COL22A1: variants seen among roughly 807,000 people sequenced by gnomAD.
COL22A1 encodes collagen type XXII alpha 1 chain.
COL22A1 carries 221 observed loss-of-function variants against 248.9 expected under a neutral mutation model. The ratio of observed to expected loss-of-function variants is 0.89; its 90% CI spans 0.80 to 0.99. COL22A1 has a LOEUF of 0.99. COL22A1 is among the 50% of genes least tolerant of loss of function. The pLI, the probability that COL22A1 is intolerant of heterozygous loss-of-function variation, is 0.00. For missense variants in COL22A1, 2,240 were observed against 2,179.0 expected, an observed-to-expected ratio of 1.03 and a Z score of -0.56; for synonymous variants, 891 against 793.4, an observed-to-expected ratio of 1.12 and a Z score of -2.07.
At position 138,589,293 on chromosome 8, in the gene COL22A1, G is replaced by A. The variant is rs748648857; in HGVS notation, c.4841C>T (p.Ala1614Val). ...QCDPSQCAYF[A>V]SLAARPGNVK... ...ATTACCCGGCCGGGCAGCAAGGCTG[G>A]CGAAGTAGGCACACTGGGAAGGGTC... Residue 1614 changes from alanine (A) to valine (V), a missense_variant, in exon 65 of 65, where the codon GCC (alanine) becomes GTC (valine). Ala to Val is a moderately conservative substitution (Grantham distance 64, BLOSUM62 0). Transcript: ENST00000303045. 3.1e-6 allele frequency: 5 copies of A among 1,613,918 alleles called. No individual in the cohort carries two copies. In the Admixed American group the frequency reaches 5.0e-5, roughly 16 times the overall value.
At chr8:138,614,042 C>T in intron 55 of COL22A1, 122 bp from the exon 56 acceptor site, 1 of 757,924 alleles carries the variant, frequency 1.3e-6, no homozygotes, top group East Asian at 2.5e-5. Flanking sequence ...AATTGTCCAG[C>T]ATGTTTCATC....
chr8:138,660,039 C>T (rs977308116), intron 44 of COL22A1, among the ~76,000 whole-genome samples: 1 of 152,210 alleles, frequency 6.6e-6, no homozygotes. Context: ...AGGTTAAACC[C>T]CTGGAATGTC....
rs1268514456 is a variant in COL22A1 at position 138,826,772 on chromosome 8, G to A, written c.855C>T (p.Phe285=). 1 of 1,614,064 alleles carries A rather than the reference G, an allele frequency of 6.2e-7. No individual in the cohort carries two copies. Among genetic ancestry groups the A allele is most frequent in the South Asian group, 1.1e-5 (1 of 91,058 alleles). ...FPVVQSTEDV[F]PQGLPDEYAF... ...CGTACTCATCAGGTAAACCTTGGGGGAACACATCCCTGGAGAAAAATGGAG... is the reference window on the plus strand; with the variant it reads ...CGTACTCATCAGGTAAACCTTGGGGAAACACATCCCTGGAGAAAAATGGAG... The change falls in exon 6 of 65, where the codon TTC becomes TTT. Residue 285 remains phenylalanine, a synonymous_variant. Coordinates refer to ENST00000303045, the MANE Select transcript of COL22A1 (RefSeq NM_152888.3).
At chr8:138,660,542 C>A (rs1050770478) in intron 43 of COL22A1, 62 bp from the exon 44 acceptor site, 2 of 1,447,190 alleles carry the variant, frequency 1.4e-6, no homozygotes, top group South Asian at 1.1e-5. Context: ...CCCACTCTAC[C>A]CACACCCTCT....
intron 16 of COL22A1, among the ~76,000 whole-genome samples, chr8:138,765,128 A>C (rs1833807563): frequency 6.6e-6 from 1 of 152,162 alleles, no homozygotes; most frequent in Admixed American, 6.5e-5. Context: ...ACAAGAAATG[A>C]GGAAACTGAG....
chr8:138,807,632 T>C, intron 10 of COL22A1, 136 bp downstream of exon 10: 2 of 757,140 alleles, frequency 2.6e-6, no homozygotes, highest in Admixed American at 2.5e-5. Context: ...TTTGCTCTTA[T>C]CCATCTAATT....
chr8:138,860,756 T>C (rs1263794291), intron 3 of COL22A1, among the ~76,000 whole-genome samples: 2 of 152,066 alleles, frequency 1.3e-5, no homozygotes, highest in African/African-American at 4.8e-5. Context: ...TGCAGTAAGC[T>C]ATGATGGCAC....
chr8:138,883,062 A>C lies in COL22A1; in HGVS notation c.91+20T>G, dbSNP rs1304948588. Reference sequence around the variant, plus strand: ...TGCTCTGTCCCCAGCACAGCATGGCACAGCCCACGGTGGCCCCACCTGCCC... The same window carrying C: ...TGCTCTGTCCCCAGCACAGCATGGCCCAGCCCACGGTGGCCCCACCTGCCC... On this transcript the variant is annotated intron_variant, in intron 2 of 64. Transcript: ENST00000303045. 6 of 1,557,862 alleles carry C rather than the reference A, an allele frequency of 3.9e-6. No individual in the cohort carries two copies. Among genetic ancestry groups the C allele is most frequent in the Non-Finnish European group, 5.2e-6 (6 of 1,153,460 alleles).
intron 12 of COL22A1, among the ~76,000 whole-genome samples, chr8:138,793,151 G>T (rs1170136510): frequency 1.3e-5 from 2 of 152,276 alleles, no homozygotes; most frequent in South Asian, 2.1e-4. Context: ...GACTCATCGA[G>T]CTCTGGTCTA....
intron 22 of COL22A1, among the ~76,000 whole-genome samples, chr8:138,742,506 T>G (rs1373841006): frequency 6.6e-6 from 1 of 152,060 alleles, no homozygotes; most frequent in African/African-American, 2.4e-5. Flanking sequence ...ATGGTAGAGT[T>G]GATGATGATG....
intron 21 of COL22A1, among the ~76,000 whole-genome samples, chr8:138,753,593 C>A (rs532251907): frequency 1.3e-5 from 2 of 152,330 alleles, no homozygotes; most frequent in South Asian, 4.1e-4. Flanking sequence ...TCCAATTCAT[C>A]ATCTAGAAAT....
chr8:138,721,715 T>G (rs1388392694), intron 26 of COL22A1, among the ~76,000 whole-genome samples: 1 of 152,186 alleles, frequency 6.6e-6, no homozygotes, highest in Non-Finnish European at 1.5e-5. Context: ...CACCTTGGCC[T>G]CCCAAGTGAA....
At chr8:138,634,961 A>G (rs934541469) in intron 49 of COL22A1, 49 bp downstream of exon 49, 10 of 1,254,860 alleles carry the variant, frequency 8.0e-6, no homozygotes, top group Admixed American at 1.7e-5. Flanking sequence ...TGAGATGTGC[A>G]TTCAAATGTC....
chr8:138,865,854 CGTGT>C (rs1241800075), intron 3 of COL22A1, among the ~76,000 whole-genome samples: 3 of 106,958 alleles, frequency 2.8e-5, no homozygotes, highest in South Asian at 6.9e-4. Context: ...TGTGAGTGTA[CGTGT>C]GTGTATGTTT....
intron 60 of COL22A1, among the ~76,000 whole-genome samples, chr8:138,601,128 T>C (rs1177427646): frequency 1.3e-5 from 2 of 151,432 alleles, no homozygotes; most frequent in Non-Finnish European, 2.9e-5. Flanking sequence ...TTCAAGCCCA[T>C]ATCCTGTGCC....
At chr8:138,771,441 C>T (rs1010277636) in intron 16 of COL22A1, among the ~76,000 whole-genome samples, 4 of 152,170 alleles carry the variant, frequency 2.6e-5, no homozygotes, top group African/African-American at 7.2e-5. Flanking sequence ...CAGTTTCCCC[C>T]GCTTCACAAT....
chr8:138,693,798 G>T, intron 34 of COL22A1, 99 bp from the exon 35 acceptor site: 1 of 1,299,636 alleles, frequency 7.7e-7, no homozygotes, highest in Non-Finnish European at 1.1e-6. Context: ...CTCATCAGAA[G>T]CATTATTCCA....
intron 1 of COL22A1, among the ~76,000 whole-genome samples, chr8:138,909,748 C>T (rs906112393): frequency 2.6e-5 from 4 of 152,122 alleles, no homozygotes; most frequent in African/African-American, 7.2e-5. Context: ...AGGGCATCTT[C>T]GCAACCACAA....
intron 3 of COL22A1, among the ~76,000 whole-genome samples, chr8:138,858,963 G>C (rs1240289721): frequency 2.6e-5 from 4 of 152,142 alleles, no homozygotes; most frequent in Non-Finnish European, 5.9e-5. Context: ...AGCCCCAGGA[G>C]GCCAGGCCTC....
Sources: gnomAD v4.1 joint callset for allele counts (sites outside exome capture counted in the v4.1 genomes callset) on GRCh38, gnomAD v4.1.1 for gene constraint, MANE v1.5 for transcripts, NCBI Gene and HGNC (gene_info 2026-07-23, HGNC 2026-07-21) for gene names.